Variants in GAREM2 observed in about 807,000 individuals in gnomAD.
GAREM2 encodes GRB2-associated and regulator of MAPK protein 2.
A neutral mutation model predicts 55.6 loss-of-function variants in GAREM2; 30 were observed. The ratio of observed to expected loss-of-function variants is 0.54; its 90% CI spans 0.40 to 0.73. GAREM2 has a LOEUF of 0.73. Ranked by LOEUF, GAREM2 falls within the 30% of genes least tolerant of loss-of-function variation. The probability of loss-of-function intolerance (pLI) is 0.00; values close to 1 mark genes in which losing one functional copy is unlikely to be tolerated. For synonymous variants in GAREM2, 550 were observed against 569.1 expected (o/e 0.97, Z 0.48); for missense variants, 1,075 against 1,257.7 (o/e 0.85, Z 2.20).
the GAREM2 span, among the ~76,000 whole-genome samples, chr2:26,202,367 T>G: frequency 1.3e-5 from 2 of 152,172 alleles, no homozygotes; most frequent in African/African-American, 4.8e-5. Context: ...AAATGAAGAA[T>G]GAAGCTAAAC....
downstream of GAREM2, chr2:26,191,603 G>A (rs771028541): frequency 5.0e-6 from 8 of 1,613,958 alleles, no homozygotes; most frequent in East Asian, 4.5e-5. Context: ...GTCACCAGGC[G>A]GAACTGGATG....
At chr2:26,194,638 C>G (rs1351437081), downstream of GAREM2, 1 of 1,605,138 alleles carries the variant, frequency 6.2e-7, no homozygotes, top group Non-Finnish European at 8.5e-7. Context: ...CCAGGTCCAT[C>G]CTGCCAAGGA....
chr2:26,178,521 T>G (rs556549040), intron 2 of GAREM2, among the ~76,000 whole-genome samples: 2 of 152,180 alleles, frequency 1.3e-5, no homozygotes, highest in African/African-American at 4.8e-5. Context: ...TCCAGGAGGT[T>G]GAGCCTACAG....
intron 1 of GAREM2, among the ~76,000 whole-genome samples, chr2:26,174,548 C>T (rs1036364504): frequency 1.3e-5 from 2 of 152,238 alleles, no homozygotes; most frequent in Non-Finnish European, 2.9e-5. Context: ...AATGGTCAGT[C>T]AGTTTATTGT....
downstream of GAREM2, chr2:26,192,161 C>T (rs111417710): frequency 4.8e-6 from 3 of 622,572 alleles, no homozygotes; most frequent in Non-Finnish European, 8.6e-6. Context: ...AAGACAGCAC[C>T]ATGGCACGTG....
At position 26,184,335 on chromosome 2, in the gene GAREM2, A is replaced by G; in HGVS notation, c.487A>G (p.Lys163Glu). 1 of 1,550,376 alleles carries G rather than the reference A, an allele frequency of 6.5e-7. No homozygotes were observed. The highest frequency in any genetic ancestry group is 8.7e-7 in the Non-Finnish European group (1 of 1,146,596). The stretch of plus-strand genomic sequence containing the variant: ...GGGCCAGGCGGAGATCCTGTGCGCC[A>G]AGACCACCAAGGAGCGCTCGCGCTT... ...LMGQAEILCAKTTKERSRFTT... is the reference protein window; with the variant it reads ...LMGQAEILCAETTKERSRFTT... Residue 163 changes from lysine to glutamate, a missense_variant, in exon 4 of 6, where the codon AAG (lysine) becomes GAG (glutamate). Lys to Glu is a moderately conservative substitution (Grantham distance 56, BLOSUM62 1). Coordinates refer to ENST00000401533, the MANE Select transcript of GAREM2 (RefSeq NM_001168241.2).
chr2:26,193,968 C>G (rs1160320051), downstream of GAREM2, among the ~76,000 whole-genome samples: 1 of 152,248 alleles, frequency 6.6e-6, no homozygotes, highest in Non-Finnish European at 1.5e-5. Flanking sequence ...TCTGAGCCTT[C>G]TCTAATCTAC....
chr2:26,177,275 C>T (rs540273593), intron 2 of GAREM2, among the ~76,000 whole-genome samples: 10 of 152,286 alleles, frequency 6.6e-5, no homozygotes, highest in African/African-American at 2.4e-4. Context: ...TTGCTGTCCC[C>T]TGTGTGGGAG....
rs1669326974 is a variant in GAREM2 at position 26,187,670 on chromosome 2, C to T, written c.2038C>T (p.Pro680Ser). ...AGGCCAGGCCTATTCAGCTGCTCCC[C>T]CCTCCTCCTGCGCCCCCTCCTCCTC... ...SPGQAYSAAP[P>S]SSCAPSSSSS... Residue 680 changes from proline to serine, a missense_variant, in exon 6 of 6, where the codon CCC (proline) becomes TCC (serine). Pro to Ser is a moderately conservative substitution (Grantham distance 74). Around this residue, in one of 6 missense-constraint regions of GAREM2, gnomAD observed 515 missense variants for 501.5 expected, o/e 1.03. Coordinates refer to ENST00000401533, the MANE Select transcript of GAREM2 (RefSeq NM_001168241.2). 2 of 1,518,770 alleles carry T rather than the reference C, an allele frequency of 1.3e-6. No individual in the cohort carries two copies. The highest frequency in any genetic ancestry group is 2.2e-5 in the Admixed American group (1 of 45,326). The allele number at this position is 1,518,770 out of a possible 1,614,324, so 94.1% of individuals were successfully genotyped here.
At chr2:26,193,027 C>T (rs1455543317), downstream of GAREM2, among the ~76,000 whole-genome samples, 2 of 152,036 alleles carry the variant, frequency 1.3e-5, no homozygotes, top group Non-Finnish European at 2.9e-5. Context: ...GCTGTTTTGC[C>T]AAGACAGAAA....
chr2:26,175,231 C>A (rs1359573978), intron 1 of GAREM2, among the ~76,000 whole-genome samples: 1 of 152,110 alleles, frequency 6.6e-6, no homozygotes, highest in East Asian at 1.9e-4. Context: ...CCTACCCCCA[C>A]CCTCCCCACC....
At chr2:26,192,576 A>G (rs1669540815), downstream of GAREM2, 1 of 672,476 alleles carries the variant, frequency 1.5e-6, no homozygotes, top group Non-Finnish European at 2.7e-6. Context: ...ATTTGAGGTC[A>G]GGAGTTTGAG....
intron 1 of GAREM2, among the ~76,000 whole-genome samples, chr2:26,174,974 C>G (rs1257412417): frequency 6.6e-6 from 1 of 152,048 alleles, no homozygotes; most frequent in African/African-American, 2.4e-5. Context: ...CTTGGGCCCC[C>G]GGAGGTGAGG....
chr2:26,195,265 A>G, the GAREM2 span: 1 of 1,596,428 alleles, frequency 6.3e-7, no homozygotes, highest in African/African-American at 1.3e-5. Context: ...AACAGATCGG[A>G]GAATGCGGGT....
rs1669364423 is a variant in GAREM2 at position 26,188,339 on chromosome 2, C to T, written c.*82C>T. 9.2e-7 allele frequency: 1 copy of T among 1,084,756 alleles called. No homozygotes were observed. The highest frequency in any genetic ancestry group is 1.3e-6 in the Non-Finnish European group (1 of 789,644). 67.2% of individuals were successfully genotyped at this position (1,084,756 alleles called of 1,614,324 possible). A position where few individuals can be genotyped will look rare whatever the true frequency, so the allele number is the denominator to read the frequency against. ...ACTCCGGAGGAGCAGGTGCTGCCTG[C>T]AAGAAGGATCTATGTCGAGACTGAG... is the stretch of plus-strand genomic sequence containing the variant. On this transcript the variant is annotated 3_prime_UTR_variant, in exon 6 of 6. Coordinates refer to ENST00000401533, the MANE Select transcript of GAREM2 (RefSeq NM_001168241.2).
chr2:26,197,871 C>A, the GAREM2 span: 7 of 763,434 alleles, frequency 9.2e-6, no homozygotes, highest in South Asian at 9.6e-5. Context: ...GGGCCCAGCC[C>A]ACTCTGTCCC....
chr2:26,188,453 C>T lies in GAREM2; in HGVS notation c.*196C>T, dbSNP rs1669370099. 1 of 461,430 alleles carries T rather than the reference C, an allele frequency of 2.2e-6. No homozygotes were observed. Among genetic ancestry groups the T allele is most frequent in the South Asian group, 5.1e-5 (1 of 19,790 alleles). 28.6% of individuals were successfully genotyped at this position (461,430 alleles called of 1,614,324 possible). A position where few individuals can be genotyped will look rare whatever the true frequency, so the allele number is the denominator to read the frequency against. ...CAGACCCCTGCACGGGACATCTTGC[C>T]TTTGAGTGTGCAGAGTACATGGGGA... On this transcript the variant is annotated 3_prime_UTR_variant, in exon 6 of 6. Transcript: ENST00000401533.
chr2:26,186,050 TG>T (rs1237304500), intron 4 of GAREM2, 138 bp from the exon 5 acceptor site: 9 of 775,936 alleles, frequency 1.2e-5, no homozygotes, highest in Non-Finnish European at 1.8e-5. Flanking sequence ...GATGAGCAGT[TG>T]GGGTGCAAGG....
At chr2:26,191,747 C>T (rs774667417), downstream of GAREM2, 2 of 1,015,850 alleles carry the variant, frequency 2.0e-6, no homozygotes, top group African/African-American at 1.6e-5. Flanking sequence ...CCGGTTGGTG[C>T]TGGCCCTCAG....
Sources: gnomAD v4.1 joint callset for allele counts (sites outside exome capture counted in the v4.1 genomes callset) on GRCh38, gnomAD v4.1.1 for gene constraint, gnomAD v4.1.1 regional missense constraint, MANE v1.5 for transcripts, NCBI Gene and HGNC (gene_info 2026-07-23, HGNC 2026-07-21) for gene names.